NIN: variants seen among roughly 807,000 people sequenced by gnomAD.
NIN encodes the protein ninein.
A neutral mutation model predicts 257.6 loss-of-function variants in NIN; 137 were observed. The observed-to-expected ratio is 0.53, with a 90% CI of 0.46 to 0.61. The LOEUF (loss-of-function observed/expected upper bound fraction) is 0.61, where lower values mean the gene tolerates loss of function less well. Ranked by LOEUF, NIN falls within the 20% of genes least tolerant of loss-of-function variation. NIN has a pLI of 0.00. For synonymous variants in NIN, 918 were observed against 919.8 expected (o/e 1.00, Z 0.04); for missense variants, 2,439 against 2,501.2 (o/e 0.98, Z 0.53).
In NIN at chr14:50,756,741, A is replaced by G. The variant is rs139416459; in HGVS notation, c.4289T>C (p.Ile1430Thr). 3.9e-6 allele frequency: 6 copies of G among 1,551,502 alleles called. No individual in the cohort carries two copies. In the African/African-American group the frequency reaches 5.5e-5, roughly 14 times the overall value. The change falls in exon 18 of 31, where the codon ATA (isoleucine) becomes ACA (threonine). Residue 1430 changes from isoleucine to threonine, a missense_variant. By Grantham distance (89) the Ile-to-Thr change is moderately conservative. Transcript: ENST00000530997. ...QERPRVQNQV[I>T]LEENTTLLGF... ...TAGGAGAGTAGTGTTTTCCTCCAGT[A>G]TAACTTGATTCTGTACTCTTGGCCT...
chr14:50,767,042 T>A lies in NIN; in HGVS notation c.1435-152A>T, dbSNP rs1272009988. The A allele has an allele frequency of 1.2e-5, 7 of 602,322 alleles. No homozygotes were observed. The Admixed American group carries it at 1.8e-4, about 15-fold the overall frequency. The allele number at this position is 602,322 out of a possible 1,614,324, so 37.3% of individuals were successfully genotyped here. On this transcript the variant is annotated intron_variant, in intron 12 of 30. Coordinates refer to ENST00000530997, the MANE Select transcript of NIN (RefSeq NM_020921.4). ...AGACTACAGGAGGCAAAAGTAAATA[T>A]AAAAGGTTGATATCTATTTTATAAC...
chr14:50,792,915 C>G, intron 4 of NIN, 34 bp from the exon 5 acceptor site: 1 of 1,609,194 alleles, frequency 6.2e-7, no homozygotes, highest in Non-Finnish European at 8.5e-7. Context: ...GGCCACATGA[C>G]ATGAGAATCT....
At chr14:50,821,814 C>A (rs891677177) in intron 3 of NIN, 60 bp downstream of exon 3, 18 of 1,418,070 alleles carry the variant, frequency 1.3e-5, no homozygotes, top group Non-Finnish European at 1.6e-5. Context: ...GCCCCACCCC[C>A]AGCACCCCGG....
intron 10 of NIN, 78 bp downstream of exon 10, chr14:50,771,252 ATG>A: frequency 3.3e-6 from 5 of 1,512,598 alleles, no homozygotes; most frequent in Non-Finnish European, 4.5e-6. Context: ...GAATAGAAGG[ATG>A]TCCATCCAAG....
At chr14:50,817,335 C>G (rs1250204501) in intron 3 of NIN, among the ~76,000 whole-genome samples, 1 of 152,306 alleles carries the variant, frequency 6.6e-6, no homozygotes, top group East Asian at 1.9e-4. Flanking sequence ...TTTTCATTTA[C>G]ACTTCAAATG....
chr14:50,821,157 A>T (rs1211997139), intron 3 of NIN, among the ~76,000 whole-genome samples: 1 of 152,356 alleles, frequency 6.6e-6, no homozygotes, highest in East Asian at 1.9e-4. Flanking sequence ...AAATAAGGCA[A>T]ATAATAAAAG....
chr14:50,773,082 A>G lies in NIN; in HGVS notation c.680T>C (p.Val227Ala). The G allele has an allele frequency of 1.2e-6, 2 of 1,611,326 alleles. No individual in the cohort carries two copies. Among genetic ancestry groups the G allele is most frequent in the Non-Finnish European group, 1.7e-6 (2 of 1,178,810 alleles). The change falls in exon 8 of 31, where the codon GTA becomes GCA. Residue 227 changes from valine (V) to alanine (A), a missense_variant. By Grantham distance (64) the Val-to-Ala change is moderately conservative. Coordinates refer to ENST00000530997, the MANE Select transcript of NIN (RefSeq NM_020921.4). ...ACCGTCAGGATCAAGATTATGGAAT[A>G]CTTCCTCGAGCATCTAGAAAAGAGT... ...QNVDGEMLEE[V>A]FHNLDPDGTM... is the part of the protein sequence containing the mutation.
rs539201591 is a variant in NIN at position 50,770,835 on chromosome 14, C to T, written c.1259+17G>A. ...CAGGGTGGTGGGTGAGGAGGAGCCT[C>T]ACTCTGCTGGCCTCACCTGAGGTTG... On this transcript the variant is annotated intron_variant, in intron 11 of 30. Coordinates refer to ENST00000530997, the MANE Select transcript of NIN (RefSeq NM_020921.4). 1 of 1,608,070 alleles carries T rather than the reference C, an allele frequency of 6.2e-7. No individual in the cohort carries two copies. The highest frequency in any genetic ancestry group is 8.5e-7 in the Non-Finnish European group (1 of 1,177,216).
At chr14:50,738,800 C>G (rs1204438680) in intron 26 of NIN, among the ~76,000 whole-genome samples, 1 of 152,192 alleles carries the variant, frequency 6.6e-6, no homozygotes, top group Non-Finnish European at 1.5e-5. Flanking sequence ...TTCAGAGTTC[C>G]TCCTCAAAAG....
At chr14:50,827,684 G>A (rs2045520795) in intron 2 of NIN, among the ~76,000 whole-genome samples, 1 of 149,552 alleles carries the variant, frequency 6.7e-6, no homozygotes, top group Non-Finnish European at 1.5e-5. Context: ...TTGAACCTGG[G>A]AGGCAGAGGT....
chr14:50,813,585 A>G (rs1049083832), intron 3 of NIN, among the ~76,000 whole-genome samples: 1 of 152,178 alleles, frequency 6.6e-6, no homozygotes, highest in Non-Finnish European at 1.5e-5. Flanking sequence ...CTTTTTTTTG[A>G]AAAAGAACTT....
chr14:50,746,267 TA>T (rs1213366538), intron 22 of NIN, among the ~76,000 whole-genome samples: 1 of 152,154 alleles, frequency 6.6e-6, no homozygotes, highest in Non-Finnish European at 1.5e-5. Context: ...ATAAAGTTGG[TA>T]ATAACAGCCT....
chr14:50,796,395 T>C (rs770111781), intron 4 of NIN, among the ~76,000 whole-genome samples: 6 of 152,150 alleles, frequency 3.9e-5, no homozygotes, highest in Non-Finnish European at 5.9e-5. Context: ...ACTGGAGTAA[T>C]GTGGAAGTGA....
intron 4 of NIN, 152 bp downstream of exon 4, chr14:50,806,585 T>C: frequency 1.9e-6 from 1 of 519,278 alleles, no homozygotes. Flanking sequence ...AAAGCTTTTA[T>C]GATAATATTG....
intron 3 of NIN, among the ~76,000 whole-genome samples, chr14:50,819,650 G>T (rs116065170): frequency 6.6e-6 from 1 of 152,148 alleles, no homozygotes; most frequent in African/African-American, 2.4e-5. Context: ...GCGTGAAAAC[G>T]GACTAATACA....
chr14:50,773,104 G>A lies in NIN; in HGVS notation c.667-9C>T. The A allele has an allele frequency of 6.2e-7, 1 of 1,607,536 alleles. No individual in the cohort carries two copies. The highest frequency in any genetic ancestry group is 8.5e-7 in the Non-Finnish European group (1 of 1,175,938). On this transcript the variant is annotated splice_polypyrimidine_tract_variant and intron_variant, in intron 7 of 30. Coordinates refer to ENST00000530997, the MANE Select transcript of NIN (RefSeq NM_020921.4). ...AATACTTCCTCGAGCATCTAGAAAAGAGTCATCACATATTTTAAATACTCC... is the reference window on the plus strand; with the variant it reads ...AATACTTCCTCGAGCATCTAGAAAAAAGTCATCACATATTTTAAATACTCC...
intron 4 of NIN, among the ~76,000 whole-genome samples, chr14:50,804,813 A>C (rs910957584): frequency 2.9e-4 from 44 of 151,994 alleles, no homozygotes; most frequent in Non-Finnish European, 5.2e-4. Flanking sequence ...AAAAAGGTCC[A>C]TGCATAAATG....
chr14:50,792,654 C>T lies in NIN; in HGVS notation c.435+58G>A, dbSNP rs911244926. 8.8e-6 allele frequency: 14 copies of T among 1,593,162 alleles called. No homozygotes were observed. In the Admixed American group the frequency reaches 2.2e-4, roughly 25 times the overall value. ...CCTCAGCTCCCCTGTCTCTGTGCTG[C>T]ACTGACGTGGGGCTCCACACTCATG... On this transcript the variant is annotated intron_variant, in intron 5 of 30. Transcript: ENST00000530997.
At position 50,753,256 on chromosome 14, in the gene NIN, C is replaced by T. The variant is rs550468293; in HGVS notation, c.4735-523G>A. On this transcript the variant is annotated intron_variant, in intron 20 of 30. Transcript: ENST00000530997. ...CTCTACTAAAAATACAAAAATTAGC[C>T]GGGTGTGGTGGCATGTGCCTGTAAT... Among the ~76,000 whole-genome samples the T allele has an allele frequency of 1.4e-4, 22 of 152,122 alleles. No individual in the cohort carries two copies. The East Asian group carries it at 2.7e-3, about 19-fold the overall frequency.
Sources: allele counts gnomAD v4.1 joint callset (sites outside exome capture counted in the v4.1 genomes callset), GRCh38; gene constraint gnomAD v4.1.1; transcripts MANE v1.5; gene names NCBI Gene and HGNC (gene_info 2026-07-23, HGNC 2026-07-21).